The following FBXO16 variants were observed in gnomAD, a reference collection of about 807,000 sequenced individuals.
FBXO16 encodes the protein F-box only protein 16.
FBXO16 carries 31 observed loss-of-function variants against 41.0 expected under a neutral mutation model. That is an observed-to-expected ratio of 0.76 (90% CI 0.57 to 1.02). FBXO16 has a LOEUF of 1.02. Among genes scored for constraint, FBXO16 ranks in the 50% least tolerant of loss-of-function variants. The pLI is 0.00. For synonymous variants in FBXO16, 133 were observed against 117.8 expected (o/e 1.13, Z -0.84); for missense variants, 361 against 346.2 (o/e 1.04, Z -0.34).
chr8:28,486,248 G>T (rs1220518170), intron 1 of FBXO16, among the ~76,000 whole-genome samples: 3 of 145,436 alleles, frequency 2.1e-5, no homozygotes, highest in Non-Finnish European at 4.5e-5. Context: ...TTTTTTGGAA[G>T]AGTTTTGTTG....
chr8:28,469,884 G>C (rs1350848305), intron 3 of FBXO16, among the ~76,000 whole-genome samples: 2 of 150,684 alleles, frequency 1.3e-5, no homozygotes, highest in Admixed American at 6.6e-5. Context: ...CTGGGCGACA[G>C]AGCGAGACTC....
chr8:28,437,120 A>G (rs1393858555), intron 7 of FBXO16, among the ~76,000 whole-genome samples: 1 of 152,282 alleles, frequency 6.6e-6, no homozygotes, highest in African/African-American at 2.4e-5. Flanking sequence ...ATACGTATAT[A>G]ACTAATAATA....
intron 6 of FBXO16, among the ~76,000 whole-genome samples, chr8:28,451,519 T>A (rs1275795178): frequency 6.6e-6 from 1 of 151,212 alleles, no homozygotes; most frequent in African/African-American, 2.4e-5. Flanking sequence ...GCCACCTTAC[T>A]CAGCTTTACT....
At chr8:28,429,448 A>G in intron 7 of FBXO16, 45 bp from the exon 8 acceptor site, 1 of 1,610,952 alleles carries the variant, frequency 6.2e-7, no homozygotes, top group African/African-American at 1.3e-5. Context: ...GAGGAAAAGA[A>G]AGAAATAATC....
intron 7 of FBXO16, among the ~76,000 whole-genome samples, chr8:28,430,367 C>A (rs533048649): frequency 6.6e-6 from 1 of 152,334 alleles, no homozygotes; most frequent in South Asian, 2.1e-4. Flanking sequence ...GCCCACTGTG[C>A]CCGGCCAAAG....
chr8:28,483,810 A>C (rs1803555908), intron 1 of FBXO16, among the ~76,000 whole-genome samples: 1 of 152,204 alleles, frequency 6.6e-6, no homozygotes, highest in Non-Finnish European at 1.5e-5. Flanking sequence ...ACTGTACTCC[A>C]GCCTGGGCAG....
In FBXO16 at chr8:28,428,682, G is replaced by A; in HGVS notation, c.*45C>T. ...TCTGGGAGTCCCACTGACTCAGGGG[G>A]AGGCCAGGCGAGATGAGCTGGAACT... On this transcript the variant is annotated 3_prime_UTR_variant, in exon 9 of 9. Transcript: ENST00000380254. 6.4e-7 allele frequency: 1 copy of A among 1,573,838 alleles called. No individual in the cohort carries two copies. Among genetic ancestry groups the A allele is most frequent in the Non-Finnish European group, 8.6e-7 (1 of 1,160,640 alleles).
intron 3 of FBXO16, among the ~76,000 whole-genome samples, chr8:28,465,895 C>T (rs909608181): frequency 1.3e-4 from 18 of 142,774 alleles, no homozygotes; most frequent in African/African-American, 5.5e-4. Context: ...GAGAGTGCCT[C>T]CATTCTGGGT....
At chr8:28,486,492 G>A (rs1803604609) in intron 1 of FBXO16, among the ~76,000 whole-genome samples, 1 of 152,012 alleles carries the variant, frequency 6.6e-6, no homozygotes, top group Non-Finnish European at 1.5e-5. Context: ...CCAAAGTGCT[G>A]GGATTACAGG....
At chr8:28,431,093 A>T (rs1027701982) in intron 7 of FBXO16, among the ~76,000 whole-genome samples, 11 of 152,366 alleles carry the variant, frequency 7.2e-5, no homozygotes, top group African/African-American at 2.6e-4. Flanking sequence ...TAACCCTATT[A>T]CCATGCAACG....
At chr8:28,446,250 T>C (rs938572499) in intron 7 of FBXO16, among the ~76,000 whole-genome samples, 1 of 143,460 alleles carries the variant, frequency 7.0e-6, no homozygotes, top group Non-Finnish European at 1.5e-5. Flanking sequence ...GGTGCGACCT[T>C]GGCTGACTAT....
At chr8:28,474,384 GAA>G (rs1803390412) in intron 2 of FBXO16, among the ~76,000 whole-genome samples, 1 of 81,020 alleles carries the variant, frequency 1.2e-5, no homozygotes, top group African/African-American at 4.2e-5. Flanking sequence ...AAAAATGAAA[GAA>G]AAGAAAAGAA....
intron 1 of FBXO16, among the ~76,000 whole-genome samples, chr8:28,487,593 C>T (rs768767019): frequency 2.6e-5 from 4 of 151,770 alleles, no homozygotes; most frequent in Non-Finnish European, 5.9e-5. Context: ...GCGGTTTTCC[C>T]CATGTTGGTC....
intron 4 of FBXO16, among the ~76,000 whole-genome samples, chr8:28,462,758 G>GA (rs1337812153): frequency 1.3e-5 from 2 of 152,004 alleles, no homozygotes; most frequent in Non-Finnish European, 2.9e-5. Flanking sequence ...ACTTGTAAAA[G>GA]AAAAAAACAG....
rs147243939 is a variant in FBXO16, at chr8:28,441,900, G to GTA, written c.843+5269_843+5270dup. Reference sequence around the variant, plus strand: ...TATATATATATATAAACTCCACAGTGTATATATATATGTGTGTGTGTGTGT... The same window carrying GTA: ...TATATATATATATAAACTCCACAGTGTATATATATATATGTGTGTGTGTGTGT... On this transcript the variant is annotated intron_variant, in intron 7 of 8. Coordinates refer to ENST00000380254, the MANE Select transcript of FBXO16 (RefSeq NM_172366.4). 1.5e-3 allele frequency among the ~76,000 whole-genome samples: 196 copies of GTA among 127,212 alleles called. 2 individuals carry two copies. The East Asian group carries it at 0.021, about 14-fold the overall frequency. The allele number at this position is 127,212 out of a possible 152,430, so 83.5% of individuals were successfully genotyped here. A position where few individuals can be genotyped will look rare whatever the true frequency, so the allele number is the denominator to read the frequency against.
At chr8:28,485,434 A>G (rs1803587115) in intron 1 of FBXO16, among the ~76,000 whole-genome samples, 1 of 152,098 alleles carries the variant, frequency 6.6e-6, no homozygotes, top group Admixed American at 6.5e-5. Flanking sequence ...CAGCCTCCCA[A>G]AGTGCTGGGA....
At chr8:28,431,646 C>T (rs143090452) in intron 7 of FBXO16, among the ~76,000 whole-genome samples, 119 of 152,252 alleles carry the variant, frequency 7.8e-4, no homozygotes, top group Non-Finnish European at 1.4e-3. Flanking sequence ...AGCATCTTAG[C>T]GGGCTAACTG....
At chr8:28,485,492 T>A (rs1238566168) in intron 1 of FBXO16, among the ~76,000 whole-genome samples, 1 of 152,216 alleles carries the variant, frequency 6.6e-6, no homozygotes, top group Non-Finnish European at 1.5e-5. Context: ...TTTTTTTTAA[T>A]CATTATATTT....
intron 7 of FBXO16, among the ~76,000 whole-genome samples, chr8:28,443,986 C>G (rs1049303977): frequency 2.0e-5 from 3 of 152,170 alleles, no homozygotes; most frequent in African/African-American, 4.8e-5. Flanking sequence ...CAGCAGCCCT[C>G]GGGGCTGCTC....
Sources: allele counts gnomAD v4.1 joint callset (sites outside exome capture counted in the v4.1 genomes callset), GRCh38; gene constraint gnomAD v4.1.1; transcripts MANE v1.5; gene names NCBI Gene and HGNC (gene_info 2026-07-23, HGNC 2026-07-21).